Variants in EXOC2 observed in about 807,000 individuals in gnomAD.
EXOC2 encodes the protein SEC5-like 1.
Under a neutral mutation model 131.8 loss-of-function variants are expected in EXOC2, and 70 were observed. The observed-to-expected ratio is 0.53, with a 90% confidence interval of 0.44 to 0.65. The LOEUF (loss-of-function observed/expected upper bound fraction) is 0.65. EXOC2 is among the 30% of genes least tolerant of loss of function. The pLI is 0.00. For synonymous variants in EXOC2, 411 were observed against 398.4 expected, an observed-to-expected ratio of 1.03 and a Z score of -0.38; for missense variants, 923 against 1,108.6, an observed-to-expected ratio of 0.83 and a Z score of 2.38.
chr6:581,482 T>A lies in EXOC2; in HGVS notation c.1193-4600A>T, dbSNP rs1386909385. On this transcript the variant is annotated intron_variant, in intron 11 of 27. Transcript: ENST00000230449. ...CATTACCTGAGGAATAACTACAGAT[T>A]ACTCTGAATACAAAATTGCGAACAG... Among the ~76,000 whole-genome samples the A allele has an allele frequency of 2.6e-5, 4 of 152,166 alleles. No homozygotes were observed. The South Asian group carries it at 8.3e-4, about 32-fold the overall frequency.
At chr6:489,114 A>G in intron 26 of EXOC2, 76 bp from the exon 27 acceptor site, 1 of 1,370,508 alleles carries the variant, frequency 7.3e-7, no homozygotes, top group Non-Finnish European at 1.0e-6. Flanking sequence ...GCATCCCTTA[A>G]TTATTGAGAA....
intron 23 of EXOC2, among the ~76,000 whole-genome samples, chr6:522,732 G>C (rs1229438830): frequency 1.3e-5 from 2 of 152,032 alleles, no homozygotes; most frequent in African/African-American, 4.8e-5. Flanking sequence ...GGTGCAGCAA[G>C]GTGTCTCCAG....
In EXOC2 at chr6:578,316, C is replaced by T. The variant is rs188149447; in HGVS notation, c.1193-1434G>A. Among the ~76,000 whole-genome samples, 307 of 152,240 alleles carry T rather than the reference C, an allele frequency of 2.0e-3. 1 individual carries two copies. Among genetic ancestry groups the T allele is most frequent in the Middle Eastern group, 6.8e-3 (2 of 294 alleles). On this transcript the variant is annotated intron_variant, in intron 11 of 27. Coordinates refer to ENST00000230449, the MANE Select transcript of EXOC2 (RefSeq NM_018303.6). ...AACAGGTATTTATTGAGCTCCCTCC[C>T]GCATGTGAGGAATTGCAGGCCCGGG...
intron 7 of EXOC2, among the ~76,000 whole-genome samples, chr6:599,788 A>C (rs1760027663): frequency 6.6e-6 from 1 of 152,226 alleles, no homozygotes; most frequent in Non-Finnish European, 1.5e-5. Context: ...ATGTGAAGGC[A>C]GCATCATGAA....
chr6:519,126 CCACCGAGCGCCGA>C (rs1765329184), intron 23 of EXOC2, among the ~76,000 whole-genome samples: 1 of 118,316 alleles, frequency 8.5e-6, no homozygotes, highest in African/African-American at 3.4e-5. Context: ...AAACCACCAC[CCACCGAGCGCCGA>C]CACTCACCGT....
intron 22 of EXOC2, among the ~76,000 whole-genome samples, chr6:545,070 C>T (rs973296381): frequency 2.0e-5 from 3 of 149,568 alleles, no homozygotes; most frequent in Non-Finnish European, 4.4e-5. Flanking sequence ...TGGCGTGAAC[C>T]CGGGAAGCGG....
At chr6:510,347 C>T (rs777707600) in intron 23 of EXOC2, among the ~76,000 whole-genome samples, 1 of 152,142 alleles carries the variant, frequency 6.6e-6, no homozygotes, top group Non-Finnish European at 1.5e-5. Context: ...GGTACCTTCG[C>T]CCTCTCCTGC....
At chr6:515,046 T>C (rs1164378164) in intron 23 of EXOC2, among the ~76,000 whole-genome samples, 1 of 152,280 alleles carries the variant, frequency 6.6e-6, no homozygotes, top group Admixed American at 6.5e-5. Flanking sequence ...ATTTGAATTA[T>C]GTTGCTTTTG....
intron 17 of EXOC2, among the ~76,000 whole-genome samples, chr6:558,417 A>C (rs1389183207): frequency 6.6e-6 from 1 of 152,220 alleles, no homozygotes; most frequent in Non-Finnish European, 1.5e-5. Flanking sequence ...TTACTCATCT[A>C]ACCTACCCAC....
In EXOC2 at chr6:599,422, A is replaced by AG. The variant is rs547026822; in HGVS notation, c.743-198dup. ...TTTGCCTAAGTCTTTTCATATGTTAAGAATGGTATCCAATATAAAAAGCAC... is the reference window on the plus strand; with the variant it reads ...TTTGCCTAAGTCTTTTCATATGTTAAGGAATGGTATCCAATATAAAAAGCAC... On this transcript the variant is annotated intron_variant, in intron 7 of 27. Transcript: ENST00000230449. 1.7e-3 allele frequency among the ~76,000 whole-genome samples: 263 copies of AG among 152,342 alleles called. 1 individual carries two copies. The highest frequency in any genetic ancestry group is 5.9e-3 in the African/African-American group (244 of 41,590).
chr6:543,612 T>G (rs1756677788), intron 22 of EXOC2, among the ~76,000 whole-genome samples: 2 of 152,212 alleles, frequency 1.3e-5, no homozygotes, highest in African/African-American at 4.8e-5. Context: ...TGTTAATTAG[T>G]TCGACTGACT....
intron 26 of EXOC2, among the ~76,000 whole-genome samples, chr6:490,598 C>T (rs1209002802): frequency 6.6e-6 from 1 of 152,196 alleles, no homozygotes; most frequent in Non-Finnish European, 1.5e-5. Flanking sequence ...GACTTGGCTT[C>T]TCAGGCACAT....
chr6:610,032 C>G, intron 7 of EXOC2, 66 bp downstream of exon 7: 1 of 1,450,676 alleles, frequency 6.9e-7, no homozygotes, highest in South Asian at 1.2e-5. Flanking sequence ...ATATCAGGTC[C>G]AAGAACTAAT....
chr6:651,824 G>A (rs942262402), intron 1 of EXOC2, among the ~76,000 whole-genome samples: 36 of 151,918 alleles, frequency 2.4e-4, no homozygotes, highest in African/African-American at 7.0e-4. Context: ...TTGGGAGGCC[G>A]AGGCGGGCAG....
chr6:633,156 A>G, intron 2 of EXOC2, 39 bp from the exon 3 acceptor site: 3 of 1,596,992 alleles, frequency 1.9e-6, no homozygotes, highest in Non-Finnish European at 2.6e-6. Context: ...ATTCAAAGAC[A>G]AGAACAATAA....
At chr6:691,383 C>G (rs1196539245) in intron 1 of EXOC2, among the ~76,000 whole-genome samples, 1 of 152,208 alleles carries the variant, frequency 6.6e-6, no homozygotes, top group Non-Finnish European at 1.5e-5. Flanking sequence ...TCACTTCCTC[C>G]ATCTCTTCCA....
chr6:613,644 T>C (rs1038127842), intron 6 of EXOC2, among the ~76,000 whole-genome samples: 2 of 152,106 alleles, frequency 1.3e-5, no homozygotes, highest in East Asian at 1.9e-4. Flanking sequence ...TGATAACCAT[T>C]TGGAGAACAA....
chr6:588,456 G>T (rs1467352415), intron 11 of EXOC2, among the ~76,000 whole-genome samples: 1 of 152,168 alleles, frequency 6.6e-6, no homozygotes, highest in African/African-American at 2.4e-5. Context: ...GGGTTCAAGT[G>T]ATTCTCCTGC....
chr6:548,454 T>C (rs1052125080), intron 22 of EXOC2, among the ~76,000 whole-genome samples: 3 of 152,230 alleles, frequency 2.0e-5, no homozygotes, highest in African/African-American at 7.2e-5. Flanking sequence ...CAGGAACCAA[T>C]CAACCTTAAT....
Sources: allele counts gnomAD v4.1 joint callset (sites outside exome capture counted in the v4.1 genomes callset), GRCh38; gene constraint gnomAD v4.1.1; transcripts MANE v1.5; gene names NCBI Gene and HGNC (gene_info 2026-07-23, HGNC 2026-07-21).